KNTC1: variants seen among roughly 807,000 people sequenced by gnomAD.
The protein encoded by KNTC1 is kinetochore associated 1, also known as kinetochore-associated protein 1.
Under a neutral mutation model 314.4 loss-of-function variants are expected in KNTC1, and 253 were observed. The observed-to-expected ratio is 0.80, with a 90% CI of 0.73 to 0.89. KNTC1 has a LOEUF of 0.89. Among genes scored for constraint, KNTC1 ranks in the 40% least tolerant of loss-of-function variants. The pLI is 0.00. For missense variants in KNTC1, 2,475 were observed against 2,572.9 expected (o/e 0.96, Z 0.82); for synonymous variants, 901 against 901.4 (o/e 1.00, Z 0.01).
At position 122,580,684 on chromosome 12, in the gene KNTC1, G is replaced by A. The variant is rs1282724705; in HGVS notation, c.2982+14G>A. 1.3e-6 allele frequency: 2 copies of A among 1,517,786 alleles called. No homozygotes were observed. Among genetic ancestry groups the A allele is most frequent in the South Asian group, 1.2e-5 (1 of 81,052 alleles). The allele number at this position is 1,517,786 out of a possible 1,614,324, so 94.0% of individuals were successfully genotyped here. On this transcript the variant is annotated intron_variant, in intron 33 of 63. Coordinates refer to ENST00000333479, the MANE Select transcript of KNTC1 (RefSeq NM_014708.6). ...GCTAGCTTACAGGTAAACATATTGA[G>A]CCATGTTAAACATTATTACTTGACC...
intron 1 of KNTC1, 113 bp from the exon 2 acceptor site, chr12:122,529,878 C>A (rs1795352856): frequency 2.0e-6 from 1 of 500,440 alleles, no homozygotes; most frequent in Non-Finnish European, 3.4e-6. Flanking sequence ...TGTTTAGTGG[C>A]CACAGCAATA....
In KNTC1 at chr12:122,621,955, A is replaced by G; in HGVS notation, c.6354A>G (p.Ala2118=). Residue 2118 remains alanine, a synonymous_variant, in exon 61 of 64, where the codon GCA becomes GCG. Transcript: ENST00000333479. ...LEEHMNTGQL[A]GFSHQIRSLI... ...AGCATATGAACACGGGCCAGCTAGCAGGATTTTCACATCAAGTAAGAGGCG... is the reference window on the plus strand; with the variant it reads ...AGCATATGAACACGGGCCAGCTAGCGGGATTTTCACATCAAGTAAGAGGCG... 1.2e-6 allele frequency: 2 copies of G among 1,606,812 alleles called. No individual in the cohort carries two copies. Among genetic ancestry groups the G allele is most frequent in the African/African-American group, 1.3e-5 (1 of 74,966 alleles).
chr12:122,561,287 C>G (rs1963952080), intron 18 of KNTC1, among the ~76,000 whole-genome samples: 2 of 151,584 alleles, frequency 1.3e-5, no homozygotes, highest in South Asian at 4.2e-4. Flanking sequence ...TGCACTCCAA[C>G]CTGGGTGACA....
chr12:122,610,954 T>C (rs1158379651), intron 53 of KNTC1, 54 bp downstream of exon 53: 1 of 1,302,168 alleles, frequency 7.7e-7, no homozygotes, highest in African/African-American at 1.5e-5. Context: ...CTTAACATTT[T>C]TTTCCTGTTT....
chr12:122,580,524 ATTAAAATTTCTTCTTT>A (rs1332081398), intron 32 of KNTC1, 63 bp from the exon 33 acceptor site: 1 of 848,828 alleles, frequency 1.2e-6, no homozygotes, highest in Non-Finnish European at 1.9e-6. Context: ...ACCAAAGCTA[ATTAAAATTTCTTCTTT>A]TTAAAATTCT....
chr12:122,548,472 A>G (rs1038288929), intron 12 of KNTC1, among the ~76,000 whole-genome samples: 3 of 152,030 alleles, frequency 2.0e-5, no homozygotes, highest in Non-Finnish European at 2.9e-5. Context: ...GGCCTCCCGT[A>G]GTGCTGGGAT....
At chr12:122,571,233 C>G (rs1404428090) in intron 24 of KNTC1, 107 bp downstream of exon 24, 1 of 801,254 alleles carries the variant, frequency 1.2e-6, no homozygotes, top group Admixed American at 3.3e-5. Context: ...CTTAAATTTT[C>G]TGTTTTTTTG....
intron 19 of KNTC1, among the ~76,000 whole-genome samples, 187 bp from the exon 20 acceptor site, chr12:122,562,439 TTGTGTGTGTGTG>T (rs4039211): frequency 0.017 from 2,526 of 145,066 alleles, 22 homozygotes; most frequent in East Asian, 0.025. Flanking sequence ...ATCCCATGTT[TTGTGTGTGTGTG>T]TGTGTGTGTG....
chr12:122,559,877 T>G (rs1157334842), intron 18 of KNTC1, among the ~76,000 whole-genome samples: 1 of 152,154 alleles, frequency 6.6e-6, no homozygotes, highest in Non-Finnish European at 1.5e-5. Context: ...GCCCGGCCTA[T>G]CTTAAGCATT....
intron 43 of KNTC1, chr12:122,597,437 T>TG (rs1407969565): frequency 3.1e-6 from 1 of 327,220 alleles, no homozygotes; most frequent in Non-Finnish European, 5.9e-6. Context: ...TTAGTAGAGA[T>TG]GGGGTTTCAC....
intron 59 of KNTC1, 126 bp from the exon 60 acceptor site, chr12:122,620,353 C>A: frequency 1.4e-6 from 1 of 740,414 alleles, no homozygotes; most frequent in Non-Finnish European, 2.2e-6. Flanking sequence ...ATATGTCATG[C>A]ACCAGCACTT....
intron 2 of KNTC1, among the ~76,000 whole-genome samples, chr12:122,533,579 C>CCCCAAG (rs1961553582): frequency 2.0e-5 from 3 of 151,960 alleles, no homozygotes; most frequent in Non-Finnish European, 4.4e-5. Flanking sequence ...CATGTGTAGT[C>CCCCAAG]CCAGCTACTT....
chr12:122,571,294 T>G (rs1964667325), intron 24 of KNTC1, among the ~76,000 whole-genome samples, 168 bp downstream of exon 24: 1 of 152,098 alleles, frequency 6.6e-6, no homozygotes, highest in African/African-American at 2.4e-5. Flanking sequence ...GAAAATTTGC[T>G]TTTTCTTTCT....
intron 20 of KNTC1, 108 bp from the exon 21 acceptor site, chr12:122,568,153 C>A: frequency 1.6e-6 from 1 of 633,610 alleles, no homozygotes; most frequent in South Asian, 2.2e-5. Context: ...TTGTTTTTAC[C>A]TTTATGAAGA....
At chr12:122,592,059 C>T (rs1034597548) in intron 42 of KNTC1, among the ~76,000 whole-genome samples, 3 of 152,200 alleles carry the variant, frequency 2.0e-5, no homozygotes, top group Admixed American at 6.5e-5. Flanking sequence ...CTGCGCATGG[C>T]GCTTGCGGGC....
At chr12:122,556,131 C>T (rs901073447) in intron 16 of KNTC1, among the ~76,000 whole-genome samples, 1 of 151,990 alleles carries the variant, frequency 6.6e-6, no homozygotes, top group Non-Finnish European at 1.5e-5. Flanking sequence ...ATTCTCATGC[C>T]TCAGCCTCTC....
chr12:122,551,273 A>G (rs1239648586), intron 13 of KNTC1, 46 bp from the exon 14 acceptor site: 1 of 1,239,634 alleles, frequency 8.1e-7, no homozygotes, highest in South Asian at 1.3e-5. Flanking sequence ...TATAAAATGC[A>G]TTGCTCTTAT....
At position 122,602,656 on chromosome 12, in the gene KNTC1, A is replaced by G. The variant is rs999109760; in HGVS notation, c.4741A>G (p.Ile1581Val). 9 of 1,613,256 alleles carry G rather than the reference A, an allele frequency of 5.6e-6. No homozygotes were observed. The highest frequency in any genetic ancestry group is 1.1e-5 in the South Asian group (1 of 91,076). ...LEYQYMLEHV[I>V]TLPSAAQTRL... ...ATATCAGTATATGTTGGAACATGTC[A>G]TAACTTTGCCATCAGCTGCCCAAAC... Residue 1581 changes from isoleucine (I) to valine (V), a missense_variant, in exon 46 of 64, where the codon ATA (isoleucine) becomes GTA (valine). Coordinates refer to ENST00000333479, the MANE Select transcript of KNTC1 (RefSeq NM_014708.6).
chr12:122,533,170 C>CTT (rs1177191171), intron 2 of KNTC1, among the ~76,000 whole-genome samples: 7 of 143,500 alleles, frequency 4.9e-5, no homozygotes, highest in Non-Finnish European at 6.2e-5. Context: ...CGTTCCTTTT[C>CTT]TTTTTTTTTT....
Sources: gnomAD v4.1 joint callset for allele counts (sites outside exome capture counted in the v4.1 genomes callset) on GRCh38, gnomAD v4.1.1 for gene constraint, MANE v1.5 for transcripts, NCBI Gene and HGNC (gene_info 2026-07-23, HGNC 2026-07-21) for gene names.